Variants in SPATA21 observed in about 807,000 individuals in gnomAD.
The protein encoded by SPATA21 is spermatogenesis-associated protein 21.
SPATA21 carries 47 observed loss-of-function variants against 54.8 expected under a neutral mutation model. The ratio of observed to expected loss-of-function variants is 0.86; its 90% CI spans 0.68 to 1.09. The LOEUF (loss-of-function observed/expected upper bound fraction) is 1.09, where lower values mean the gene tolerates loss of function less well. Among genes scored for constraint, SPATA21 ranks in the 50% least tolerant of loss-of-function variants. SPATA21 has a pLI of 0.00. For synonymous variants in SPATA21, 245 were observed against 235.3 expected (o/e 1.04, Z -0.38); for missense variants, 599 against 596.4 (o/e 1.00, Z -0.05).
chr1:16,416,162 A>C (rs567542207), intron 5 of SPATA21, among the ~76,000 whole-genome samples: 162 of 152,340 alleles, frequency 1.1e-3, no homozygotes, highest in African/African-American at 3.7e-3. Context: ...AAGTGCAGTC[A>C]CGTGGGTACA....
chr1:16,429,737 GTGCTGGGATTA>G (rs1557673405), intron 3 of SPATA21, among the ~76,000 whole-genome samples: 1 of 150,410 alleles, frequency 6.6e-6, no homozygotes, highest in African/African-American at 2.4e-5. Flanking sequence ...GCCTCCCAAA[GTGCTGGGATTA>G]CAGGCGTGAG....
In SPATA21 at chr1:16,422,938, G is replaced by A. The variant is rs191203842; in HGVS notation, c.35-967C>T. Among the ~76,000 whole-genome samples the A allele has an allele frequency of 1.6e-3, 243 of 152,266 alleles. 2 individuals are homozygous for A. The highest frequency in any genetic ancestry group is 4.0e-3 in the African/African-American group (167 of 41,570). The stretch of plus-strand genomic sequence containing the variant: ...AGAATTTTGGGAGGCTGAGGGGCAG[G>A]TGGATCACTTGAAGTCAGGAATTCA... On this transcript the variant is annotated intron_variant, in intron 3 of 12. Coordinates refer to ENST00000335496, the MANE Select transcript of SPATA21 (RefSeq NM_198546.1).
Position 16,428,556 on chromosome 1 carries a change from A to AT in SPATA21, c.34+2781dup, listed in dbSNP as rs879610761. 8.3e-4 allele frequency among the ~76,000 whole-genome samples: 123 copies of AT among 147,730 alleles called. No individual in the cohort carries two copies. Among genetic ancestry groups the AT allele is most frequent in the African/African-American group, 2.7e-3 (109 of 40,364 alleles). ...AGGTGTGCGCCACCATGCCCAACTA[A>AT]TTTTTTTTTTTTATTTTTTTTGTAG... On this transcript the variant is annotated intron_variant, in intron 3 of 12. Coordinates refer to ENST00000335496, the MANE Select transcript of SPATA21 (RefSeq NM_198546.1). This position sits in a 1 kb window ranked among gnomAD's most constrained non-coding sequence, Gnocchi z 4.3.
At position 16,400,744 on chromosome 1, in the gene SPATA21, T is replaced by C; in HGVS notation, c.1150A>G (p.Ser384Gly). 6.2e-7 allele frequency: 1 copy of C among 1,613,524 alleles called. No individual in the cohort carries two copies. The change falls in exon 11 of 13, where the codon AGC (serine) becomes GGC (glycine). Residue 384 changes from serine (S) to glycine (G), a missense_variant. Ser to Gly is a moderately conservative substitution (Grantham distance 56). Transcript: ENST00000335496. Reference sequence around the variant, plus strand: ...CCATAGTTCTGCTGCTTCAGCCGGCTCAGGATACTGAGGACCTTTCGTTCT... The same window carrying C: ...CCATAGTTCTGCTGCTTCAGCCGGCCCAGGATACTGAGGACCTTTCGTTCT... ...VPERKVLSIL[S>G]RLKQQNYAPN...
At chr1:16,402,230 G>A (rs1274113181) in intron 10 of SPATA21, among the ~76,000 whole-genome samples, 1 of 146,598 alleles carries the variant, frequency 6.8e-6, no homozygotes, top group Admixed American at 6.9e-5. Context: ...CTTTCTTCTG[G>A]CAGTTCTGAG....
At chr1:16,435,472 A>T (rs1316223723) in intron 1 of SPATA21, among the ~76,000 whole-genome samples, 1 of 151,950 alleles carries the variant, frequency 6.6e-6, no homozygotes, top group East Asian at 1.9e-4. Context: ...GTGTGCCACC[A>T]CACCAGACTA....
rs767223869 is a variant in SPATA21 at position 16,398,798 on chromosome 1, C to CT, written c.1376dup (p.Trp460ValfsTer46). 6.2e-7 allele frequency: 1 copy of CT among 1,613,628 alleles called. No individual in the cohort carries two copies. Among genetic ancestry groups the CT allele is most frequent in the South Asian group, 1.1e-5 (1 of 91,058 alleles). On this transcript the variant is annotated frameshift_variant, in exon 13 of 13. Coordinates refer to ENST00000335496, the MANE Select transcript of SPATA21 (RefSeq NM_198546.1). LOFTEE classifies it high-confidence loss of function. ...TTCGAGCTGGCACAGAGCTGAGCCA[C>CT]TTTCTGCTGTCAGAGTTGTGTTCCC...
rs539300654 is a variant in SPATA21, at chr1:16,410,187, C to T, written c.145-144G>A. On this transcript the variant is annotated intron_variant, in intron 5 of 12. Transcript: ENST00000335496. The stretch of plus-strand genomic sequence containing the variant: ...GAGGATGTACCCCAAATCTCACATG[C>T]ACCCCACTGTGCTCCTGCCCCACGT... 304 of 653,438 alleles carry T rather than the reference C, an allele frequency of 4.7e-4. 1 individual carries two copies. The highest frequency in any genetic ancestry group is 3.9e-3 in the East Asian group (129 of 32,760). The allele number at this position is 653,438 out of a possible 1,614,324, so 40.5% of individuals were successfully genotyped here. A position where few individuals can be genotyped will look rare whatever the true frequency, so the allele number is the denominator to read the frequency against.
intron 3 of SPATA21, chr1:16,431,115 T>C (rs2086446432): frequency 9.2e-7 from 1 of 1,082,012 alleles, no homozygotes; most frequent in East Asian, 2.6e-5. Flanking sequence ...TAATCCAGTT[T>C]GAATTGGGTT....
chr1:16,405,186 C>T, intron 7 of SPATA21, 82 bp from the exon 8 acceptor site: 1 of 1,526,430 alleles, frequency 6.6e-7, no homozygotes, highest in Non-Finnish European at 8.7e-7. Flanking sequence ...ACCCTCCTGC[C>T]AGCCTCCTCC....
rs11260754 is a variant in SPATA21 at position 16,421,621 on chromosome 1, C to T, written c.96-64G>A. On this transcript the variant is annotated intron_variant, in intron 4 of 12. Transcript: ENST00000335496. The surrounding 1 kb of genome is among the most constrained non-coding windows in gnomAD (Gnocchi z 5.2). The stretch of plus-strand genomic sequence containing the variant: ...AGCTGAAGGTTTGCCCCCCTGCCCT[C>T]CCCTCTCAGCCCCCAGGACACTCAG... The T allele has an allele frequency of 6.7e-7, 1 of 1,495,622 alleles. No individual in the cohort carries two copies. The highest frequency in any genetic ancestry group is 1.4e-5 in the African/African-American group (1 of 72,260). The allele number at this position is 1,495,622 out of a possible 1,614,324, so 92.6% of individuals were successfully genotyped here.
intron 8 of SPATA21, among the ~76,000 whole-genome samples, 200 bp downstream of exon 8, chr1:16,404,767 A>C (rs2085574007): frequency 6.6e-6 from 1 of 152,232 alleles, no homozygotes; most frequent in Non-Finnish European, 1.5e-5. Context: ...CAGGGATCAC[A>C]GCATTATACT....
At chr1:16,404,877 T>A in intron 8 of SPATA21, 90 bp downstream of exon 8, 1 of 1,368,272 alleles carries the variant, frequency 7.3e-7, no homozygotes. Flanking sequence ...ACAGGATCCT[T>A]TAGGTGCAGA....
At position 16,431,422 on chromosome 1, in the gene SPATA21, C is replaced by A. The variant is rs373719560; in HGVS notation, c.-51G>T. ...AGTGAGGGGCATCACCTAGTGTGCT[C>A]CTACAGGAGAAATCCAATCAAGCGT... is the stretch of plus-strand genomic sequence containing the variant. On this transcript the variant is annotated splice_region_variant and 5_prime_UTR_variant, in exon 3 of 13. Coordinates refer to ENST00000335496, the MANE Select transcript of SPATA21 (RefSeq NM_198546.1). The A allele has an allele frequency of 1.2e-6, 2 of 1,609,252 alleles. No homozygotes were observed. Among genetic ancestry groups the A allele is most frequent in the Non-Finnish European group, 1.7e-6 (2 of 1,177,410 alleles).
At position 16,421,860 on chromosome 1, in the gene SPATA21, C is replaced by G. The variant is rs772459958; in HGVS notation, c.95+51G>C. ...AGAATTCACCCCACCTGAAACTCAG[C>G]AGAAGAGCATCCTTGTTGGGGGCAG... is the stretch of plus-strand genomic sequence containing the variant. On this transcript the variant is annotated intron_variant, in intron 4 of 12. Coordinates refer to ENST00000335496, the MANE Select transcript of SPATA21 (RefSeq NM_198546.1). This position sits in a 1 kb window ranked among gnomAD's most constrained non-coding sequence, Gnocchi z 5.2. The G allele has an allele frequency of 1.2e-6, 2 of 1,613,692 alleles. No individual in the cohort carries two copies. Among genetic ancestry groups the G allele is most frequent in the Admixed American group, 3.3e-5 (2 of 60,016 alleles).
intron 12 of SPATA21, 122 bp from the exon 13 acceptor site, chr1:16,398,944 G>A: frequency 1.9e-6 from 2 of 1,051,826 alleles, no homozygotes; most frequent in East Asian, 2.7e-5. Context: ...CAGAAATGGT[G>A]GAACCAGCAG....
chr1:16,421,642 C>A lies in SPATA21; in HGVS notation c.96-85G>T. 7.2e-7 allele frequency: 1 copy of A among 1,397,790 alleles called. No individual in the cohort carries two copies. The highest frequency in any genetic ancestry group is 9.8e-7 in the Non-Finnish European group (1 of 1,016,228). The allele number at this position is 1,397,790 out of a possible 1,614,324, so 86.6% of individuals were successfully genotyped here. ...CCCTCCCCTCTCAGCCCCCAGGACA[C>A]TCAGTTCCACCCCAGCCTCATCCCC... On this transcript the variant is annotated intron_variant, in intron 4 of 12. Transcript: ENST00000335496. The surrounding 1 kb of genome is among the most constrained non-coding windows in gnomAD (Gnocchi z 5.2).
At chr1:16,433,082 C>A (rs1230361837) in intron 1 of SPATA21, among the ~76,000 whole-genome samples, 158 bp from the exon 2 acceptor site, 2 of 152,172 alleles carry the variant, frequency 1.3e-5, no homozygotes, top group Admixed American at 6.5e-5. Flanking sequence ...TTAAGTCATT[C>A]ATTCATTTCC....
Position 16,409,526 on chromosome 1 carries a change from G to A in SPATA21, c.587+75C>T. On this transcript the variant is annotated intron_variant, in intron 6 of 12. Coordinates refer to ENST00000335496, the MANE Select transcript of SPATA21 (RefSeq NM_198546.1). This position sits in a 1 kb window ranked among gnomAD's most constrained non-coding sequence, Gnocchi z 4.1. ...GAGGGAACAGGCAGGTGCAGGGACAGGGACCTGCATCCGGGACAAGGCTCT... is the reference window on the plus strand; with the variant it reads ...GAGGGAACAGGCAGGTGCAGGGACAAGGACCTGCATCCGGGACAAGGCTCT... The A allele has an allele frequency of 6.9e-7, 1 of 1,456,314 alleles. No homozygotes were observed. The highest frequency in any genetic ancestry group is 2.4e-5 in the East Asian group (1 of 41,406). The allele number at this position is 1,456,314 out of a possible 1,614,324, so 90.2% of individuals were successfully genotyped here. A position where few individuals can be genotyped will look rare whatever the true frequency, so the allele number is the denominator to read the frequency against.
Sources: allele counts gnomAD v4.1 joint callset (sites outside exome capture counted in the v4.1 genomes callset), GRCh38; gene constraint gnomAD v4.1.1; non-coding constraint Gnocchi (gnomAD v3.1); transcripts MANE v1.5; gene names NCBI Gene and HGNC (gene_info 2026-07-23, HGNC 2026-07-21).